The following HS3ST4 variants were observed in gnomAD, a reference collection of about 807,000 sequenced individuals.
HS3ST4 encodes heparan sulfate glucosamine 3-O-sulfotransferase 4.
In HS3ST4, 17 loss-of-function variants were observed where a neutral mutation model predicts 29.2. That is an observed-to-expected ratio of 0.58 (90% CI 0.40 to 0.87). HS3ST4 has a LOEUF of 0.87. HS3ST4 is among the 40% of genes least tolerant of loss of function. HS3ST4 has a pLI of 0.00. For synonymous variants in HS3ST4, 314 were observed against 285.7 expected (o/e 1.10, Z -1.00); for missense variants, 627 against 634.5 (o/e 0.99, Z 0.13).
At position 25,762,705 on chromosome 16, in the gene HS3ST4, A is replaced by AAAAC. The variant is rs113353975; in HGVS notation, c.734+69578_734+69581dup. Among the ~76,000 whole-genome samples the AAAAC allele has an allele frequency of 7.6e-3, 1,148 of 151,416 alleles. 14 individuals are homozygous for AAAAC. Among genetic ancestry groups the AAAAC allele is most frequent in the African/African-American group, 0.025 (1,033 of 41,148 alleles). ...AACATGGAGAAACCCTGTCCCTACT[A>AAAAC]AAACAAACAAACAAACAAACAAACA... is the stretch of plus-strand genomic sequence containing the variant. On this transcript the variant is annotated intron_variant, in intron 1 of 1. Coordinates refer to ENST00000331351, the MANE Select transcript of HS3ST4 (RefSeq NM_006040.3).
intron 1 of HS3ST4, among the ~76,000 whole-genome samples, chr16:25,896,453 G>A (rs115070375): frequency 0.037 from 5,589 of 152,186 alleles, 134 homozygotes; most frequent in African/African-American, 0.057. Flanking sequence ...ATGAGATACC[G>A]TGTCACACCA....
At chr16:26,095,981 A>G (rs1351637885) in intron 1 of HS3ST4, among the ~76,000 whole-genome samples, 2 of 152,256 alleles carry the variant, frequency 1.3e-5, no homozygotes, top group African/African-American at 4.8e-5. Context: ...AGAGAATACT[A>G]TAAACGCCTC....
At chr16:26,096,179 G>GT (rs1898923773) in intron 1 of HS3ST4, among the ~76,000 whole-genome samples, 1 of 152,156 alleles carries the variant, frequency 6.6e-6, no homozygotes, top group Non-Finnish European at 1.5e-5. Context: ...AGAGGAGCTG[G>GT]TACCATTCCT....
chr16:25,928,629 A>G (rs1478984343), intron 1 of HS3ST4, among the ~76,000 whole-genome samples: 2 of 151,998 alleles, frequency 1.3e-5, no homozygotes, highest in East Asian at 3.9e-4. Flanking sequence ...GATGTGCCCC[A>G]CTTTCTTAGT....
In HS3ST4 at chr16:25,692,927, T is replaced by A. The variant is rs1966266998; in HGVS notation, c.510T>A (p.Asp170Glu). The A allele has an allele frequency of 6.2e-7, 1 of 1,604,926 alleles. No homozygotes were observed. Residue 170 changes from aspartate to glutamate, a missense_variant, in exon 1 of 2, where the codon GAT becomes GAA. Around this residue, in one of 2 missense-constraint regions of HS3ST4, gnomAD observed 402 missense variants for 340.8 expected, o/e 1.18. Transcript: ENST00000331351. Reference sequence around the variant, plus strand: ...AGGAGTCCAGCACCACCGACGAGGATCTCGCAGGCCGGAGAGCGGCCAACG... The same window carrying A: ...AGGAGTCCAGCACCACCGACGAGGAACTCGCAGGCCGGAGAGCGGCCAACG... ...EAQESSTTDE[D>E]LAGRRAANGS...
intron 1 of HS3ST4, among the ~76,000 whole-genome samples, chr16:25,808,498 C>T (rs1967010487): frequency 6.6e-6 from 1 of 152,104 alleles, no homozygotes; most frequent in East Asian, 1.9e-4. Flanking sequence ...CTACTGATAC[C>T]ACACTATCCT....
intron 1 of HS3ST4, among the ~76,000 whole-genome samples, chr16:25,845,737 C>G (rs1273865474): frequency 6.6e-6 from 1 of 151,634 alleles, no homozygotes; most frequent in African/African-American, 2.4e-5. Context: ...CTTTCATTCT[C>G]TTTGTCTTTC....
intron 1 of HS3ST4, among the ~76,000 whole-genome samples, chr16:25,861,739 T>C (rs1189607926): frequency 6.6e-6 from 1 of 152,178 alleles, no homozygotes; most frequent in Non-Finnish European, 1.5e-5. Flanking sequence ...AAACTTATTG[T>C]AATATATTTC....
intron 1 of HS3ST4, among the ~76,000 whole-genome samples, chr16:25,757,814 G>C (rs1966766557): frequency 6.6e-6 from 1 of 151,938 alleles, no homozygotes; most frequent in Non-Finnish European, 1.5e-5. Flanking sequence ...AACTTCTAGA[G>C]GTCAAGGACT....
At chr16:26,094,580 C>T (rs1169121292) in intron 1 of HS3ST4, among the ~76,000 whole-genome samples, 1 of 152,140 alleles carries the variant, frequency 6.6e-6, no homozygotes, top group African/African-American at 2.4e-5. Context: ...ATTTTGTCAC[C>T]ACCAGGCCTG....
intron 1 of HS3ST4, among the ~76,000 whole-genome samples, chr16:25,857,892 T>TTC (rs746061513): frequency 3.6e-5 from 3 of 82,766 alleles, no homozygotes; most frequent in East Asian, 7.0e-4. Context: ...CTTTCTTTCT[T>TTC]TTTCTTTCTT....
Position 25,802,770 on chromosome 16 carries a change from G to A in HS3ST4, c.734+109619G>A, listed in dbSNP as rs550411147. 1.3e-4 allele frequency among the ~76,000 whole-genome samples: 20 copies of A among 152,086 alleles called. No individual in the cohort carries two copies. In the South Asian group the frequency reaches 3.9e-3, roughly 30 times the overall value. ...TGTTTATATCCTCCATCAAAATGTT[G>A]TAAATCGTTTCCATCTGGGTTGCGT... is the stretch of plus-strand genomic sequence containing the variant. On this transcript the variant is annotated intron_variant, in intron 1 of 1. Transcript: ENST00000331351.
At chr16:25,946,258 C>T (rs561375025) in intron 1 of HS3ST4, among the ~76,000 whole-genome samples, 3 of 152,290 alleles carry the variant, frequency 2.0e-5, no homozygotes, top group Admixed American at 1.3e-4. Context: ...ATGGGATGAA[C>T]ACCCATCACA....
intron 1 of HS3ST4, among the ~76,000 whole-genome samples, chr16:26,084,731 C>T: frequency 6.6e-6 from 1 of 152,114 alleles, no homozygotes; most frequent in Non-Finnish European, 1.5e-5. Context: ...ACTACAGGCT[C>T]ACACCTCCAT....
In HS3ST4 at chr16:26,121,885, C is replaced by T. The variant is rs143341585; in HGVS notation, c.735-13727C>T. ...TGAGTGTTTATGAATAAAGTATCAG[C>T]GAAGTACACTCCAGGTGGGAACCCC... On this transcript the variant is annotated intron_variant, in intron 1 of 1. Transcript: ENST00000331351. 6.6e-5 allele frequency among the ~76,000 whole-genome samples: 10 copies of T among 152,228 alleles called. No homozygotes were observed. The East Asian group carries it at 1.7e-3, about 26-fold the overall frequency.
intron 1 of HS3ST4, among the ~76,000 whole-genome samples, chr16:25,716,281 A>T (rs1048382234): frequency 6.6e-6 from 1 of 152,024 alleles, no homozygotes; most frequent in African/African-American, 2.4e-5. Context: ...TTGTGTCTCC[A>T]TTTTTCTTGG....
At chr16:25,862,911 C>T (rs1446540534) in intron 1 of HS3ST4, among the ~76,000 whole-genome samples, 1 of 152,160 alleles carries the variant, frequency 6.6e-6, no homozygotes, top group Non-Finnish European at 1.5e-5. Context: ...TCTGAGCATT[C>T]CTATTGCCTC....
At chr16:25,948,452 C>G (rs1298928774) in intron 1 of HS3ST4, among the ~76,000 whole-genome samples, 1 of 151,998 alleles carries the variant, frequency 6.6e-6, no homozygotes, top group Non-Finnish European at 1.5e-5. Flanking sequence ...GTGTGTTCTC[C>G]TCTTGAAATG....
chr16:25,903,273 C>CGTGT lies in HS3ST4; in HGVS notation c.734+210149_734+210152dup, dbSNP rs71385584. Among the ~76,000 whole-genome samples, 314 of 58,410 alleles carry CGTGT rather than the reference C, an allele frequency of 5.4e-3. 2 individuals are homozygous for CGTGT. Among genetic ancestry groups the CGTGT allele is most frequent in the Middle Eastern group, 0.045 (5 of 112 alleles). The allele number at this position is 58,410 out of a possible 152,430, so 38.3% of individuals were successfully genotyped here. A position where few individuals can be genotyped will look rare whatever the true frequency, so the allele number is the denominator to read the frequency against. On this transcript the variant is annotated intron_variant, in intron 1 of 1. Transcript: ENST00000331351. ...GTTTTACAGGAAGATGAAGAATATA[C>CGTGT]GTGTGTGTGTGTGTGTGTGTGTGTG...
Sources: gnomAD v4.1 joint callset for allele counts (sites outside exome capture counted in the v4.1 genomes callset) on GRCh38, gnomAD v4.1.1 for gene constraint, gnomAD v4.1.1 regional missense constraint, MANE v1.5 for transcripts, NCBI Gene and HGNC (gene_info 2026-07-23, HGNC 2026-07-21) for gene names.